The following CCDC138 variants were observed in gnomAD, a reference collection of about 807,000 sequenced individuals.
The protein encoded by CCDC138 is coiled-coil domain containing 138, also known as coiled-coil domain-containing protein 138.
A neutral mutation model predicts 82.3 loss-of-function variants in CCDC138; 66 were observed. The observed-to-expected ratio is 0.80, with a 90% CI of 0.66 to 0.98. The LOEUF is 0.98. Ranked by LOEUF, CCDC138 falls within the 50% of genes least tolerant of loss-of-function variation. The pLI is 0.00. For synonymous variants in CCDC138, 297 were observed against 265.4 expected, an observed-to-expected ratio of 1.12 and a Z score of -1.16; for missense variants, 816 against 758.9, an observed-to-expected ratio of 1.08 and a Z score of -0.88.
At chr2:108,859,515 G>A (rs1693215748) in intron 13 of CCDC138, among the ~76,000 whole-genome samples, 1 of 152,030 alleles carries the variant, frequency 6.6e-6, no homozygotes, top group Non-Finnish European at 1.5e-5. Context: ...TTTCTTCTAG[G>A]ATTTTTATAA....
At chr2:108,854,451 A>G (rs989285182) in intron 12 of CCDC138, among the ~76,000 whole-genome samples, 2 of 152,158 alleles carry the variant, frequency 1.3e-5, no homozygotes, top group Non-Finnish European at 2.9e-5. Flanking sequence ...GAATTGATGT[A>G]AAGTTTTAGC....
intron 1 of CCDC138, 72 bp downstream of exon 1, chr2:108,786,987 G>T: frequency 1.8e-6 from 2 of 1,086,008 alleles, no homozygotes; most frequent in Non-Finnish European, 2.5e-6. Context: ...GCCCCGCGCA[G>T]CCGGCCTGGG....
chr2:108,829,070 CATG>C (rs1037696181), intron 10 of CCDC138, among the ~76,000 whole-genome samples: 2 of 152,056 alleles, frequency 1.3e-5, no homozygotes, highest in Non-Finnish European at 2.9e-5. Context: ...GGAAAATCTT[CATG>C]ATATTAGATT....
intron 6 of CCDC138, 141 bp from the exon 7 acceptor site, chr2:108,804,748 C>A: frequency 1.7e-6 from 1 of 602,066 alleles, no homozygotes; most frequent in Non-Finnish European, 2.6e-6. Flanking sequence ...ACTTGCCACA[C>A]TAGTCACTTG....
At chr2:108,845,946 T>G (rs1053212118) in intron 11 of CCDC138, among the ~76,000 whole-genome samples, 1 of 152,200 alleles carries the variant, frequency 6.6e-6, no homozygotes, top group Non-Finnish European at 1.5e-5. Flanking sequence ...TGCTACTATT[T>G]CTATTTTGCC....
chr2:108,815,918 A>G, intron 9 of CCDC138, 23 bp from the exon 10 acceptor site: 1 of 1,573,974 alleles, frequency 6.4e-7, no homozygotes, highest in South Asian at 1.2e-5. Context: ...ACTGAAATAA[A>G]TGATTTAATT....
chr2:108,875,110 T>C (rs1029609119), intron 14 of CCDC138, among the ~76,000 whole-genome samples: 13 of 151,926 alleles, frequency 8.6e-5, no homozygotes, highest in African/African-American at 3.1e-4. Context: ...CCACAAAAGA[T>C]GTAAATCCTT....
intron 13 of CCDC138, among the ~76,000 whole-genome samples, chr2:108,865,917 G>A (rs1694338172): frequency 6.6e-6 from 1 of 152,148 alleles, no homozygotes; most frequent in Admixed American, 6.5e-5. Flanking sequence ...ACATAAACCA[G>A]TTTTCTGGGT....
chr2:108,808,810 T>C (rs911727108), intron 7 of CCDC138, among the ~76,000 whole-genome samples: 8 of 152,164 alleles, frequency 5.3e-5, no homozygotes, highest in African/African-American at 1.9e-4. Context: ...GTATCATTAT[T>C]CTTTTTATTG....
At chr2:108,859,351 C>G (rs1693181466) in intron 13 of CCDC138, among the ~76,000 whole-genome samples, 1 of 152,100 alleles carries the variant, frequency 6.6e-6, no homozygotes, top group African/African-American at 2.4e-5. Context: ...TATAGGTTGT[C>G]TGTTTACTCT....
At chr2:108,884,251 G>A (rs1696370961) in intron 2 of CCDC138, 1 of 152,160 alleles carries the variant, frequency 6.6e-6, no homozygotes, top group Admixed American at 6.6e-5. Context: ...GGCCCAACTT[G>A]CTTTACCTGT....
At chr2:108,821,130 G>A (rs1401304588) in intron 10 of CCDC138, among the ~76,000 whole-genome samples, 1 of 151,882 alleles carries the variant, frequency 6.6e-6, no homozygotes, top group African/African-American at 2.4e-5. Flanking sequence ...GGCTAAGGTA[G>A]GTGGATCACC....
Position 108,831,934 on chromosome 2 carries a change from T to C in CCDC138, c.1207-7251T>C, listed in dbSNP as rs919559785. Among the ~76,000 whole-genome samples, 11 of 152,160 alleles carry C rather than the reference T, an allele frequency of 7.2e-5. No individual in the cohort carries two copies. The East Asian group carries it at 2.1e-3, about 30-fold the overall frequency. On this transcript the variant is annotated intron_variant, in intron 10 of 14. Coordinates refer to ENST00000295124, the MANE Select transcript of CCDC138 (RefSeq NM_144978.3). Reference sequence around the variant, plus strand: ...ATTTAGTAGAGATGGGGTTTCACCATGTTGACCAGGCTGGTCTTGAACTTC... The same window carrying C: ...ATTTAGTAGAGATGGGGTTTCACCACGTTGACCAGGCTGGTCTTGAACTTC...
chr2:108,823,541 A>G (rs961619430), intron 10 of CCDC138, among the ~76,000 whole-genome samples: 2 of 152,206 alleles, frequency 1.3e-5, no homozygotes, highest in Non-Finnish European at 2.9e-5. Flanking sequence ...AGCCTAGGCT[A>G]TATTAGGTAG....
chr2:108,859,017 C>G (rs991909705), intron 13 of CCDC138, among the ~76,000 whole-genome samples: 1 of 152,116 alleles, frequency 6.6e-6, no homozygotes, highest in African/African-American at 2.4e-5. Flanking sequence ...AGAACAATTT[C>G]ATTTCCTTTG....
At chr2:108,870,203 T>C (rs1695016560) in intron 13 of CCDC138, among the ~76,000 whole-genome samples, 1 of 152,050 alleles carries the variant, frequency 6.6e-6, no homozygotes, top group South Asian at 2.1e-4. Flanking sequence ...AACTGGAAAA[T>C]ACAGTAGCTG....
chr2:108,842,440 A>C (rs1202014037), intron 11 of CCDC138, among the ~76,000 whole-genome samples: 3 of 152,262 alleles, frequency 2.0e-5, no homozygotes, highest in East Asian at 1.9e-4. Flanking sequence ...AGAGAGCGAG[A>C]GAGAGAGAAA....
rs551398086 is a variant in CCDC138, at chr2:108,869,772, A to G, written c.1694-3679A>G. Among the ~76,000 whole-genome samples, 8 of 152,284 alleles carry G rather than the reference A, an allele frequency of 5.3e-5. No individual in the cohort carries two copies. In the East Asian group the frequency reaches 5.8e-4, roughly 11 times the overall value. ...TGAGATGACCTTAAGCACACTCCCT[A>G]CACCGTTCCCAAGGCTCAGGTGCTT... On this transcript the variant is annotated intron_variant, in intron 13 of 14. Transcript: ENST00000295124.
At chr2:108,849,547 T>A (rs974617450) in intron 12 of CCDC138, among the ~76,000 whole-genome samples, 2 of 152,122 alleles carry the variant, frequency 1.3e-5, no homozygotes, top group African/African-American at 4.8e-5. Flanking sequence ...CTGACACGTC[T>A]CCCTGCCTTC....
Sources: gnomAD v4.1 joint callset for allele counts (sites outside exome capture counted in the v4.1 genomes callset) on GRCh38, gnomAD v4.1.1 for gene constraint, MANE v1.5 for transcripts, NCBI Gene and HGNC (gene_info 2026-07-23, HGNC 2026-07-21) for gene names.